ITGB6: variants seen among roughly 807,000 people sequenced by gnomAD.
ITGB6 encodes integrin subunit beta 6.
In ITGB6, 80 loss-of-function variants were observed where a neutral mutation model predicts 84.5. That is an observed-to-expected ratio of 0.95 (90% confidence interval 0.79 to 1.14). The LOEUF (loss-of-function observed/expected upper bound fraction) is 1.14. ITGB6 is among the 50% of genes most tolerant of loss of function. ITGB6 has a pLI of 0.00. For synonymous variants in ITGB6, 383 were observed against 354.9 expected, an observed-to-expected ratio of 1.08 and a Z score of -0.89; for missense variants, 1,006 against 968.0, an observed-to-expected ratio of 1.04 and a Z score of -0.52.
intron 12 of ITGB6, among the ~76,000 whole-genome samples, chr2:160,121,767 C>CAA (rs34688052): frequency 3.4e-5 from 2 of 59,468 alleles, no homozygotes; most frequent in African/African-American, 1.4e-4. Flanking sequence ...GGCCTTGTCT[C>CAA]AAAAAAAAAG....
At position 160,126,491 on chromosome 2, in the gene ITGB6, A is replaced by C. The variant is rs781213934; in HGVS notation, c.1771T>G (p.Cys591Gly). 6.2e-7 allele frequency: 1 copy of C among 1,614,240 alleles called. No homozygotes were observed. The highest frequency in any genetic ancestry group is 8.5e-7 in the Non-Finnish European group (1 of 1,180,038). Reference sequence around the variant, plus strand: ...CAAACACAGTCCCCGCGCCCGCTGCAGAGCACTCCATCTTCAGAGACGCAG... The same window carrying C: ...CAAACACAGTCCCCGCGCCCGCTGCCGAGCACTCCATCTTCAGAGACGCAG... ...DSCVSEDGVL[C>G]SGRGDCVCGK... The change falls in exon 11 of 15, where the codon TGC becomes GGC. Residue 591 changes from cysteine to glycine, a missense_variant. By Grantham distance (159) the Cys-to-Gly change is radical. Transcript: ENST00000283249.
At chr2:160,174,822 G>T (rs534825438) in intron 4 of ITGB6, among the ~76,000 whole-genome samples, 2 of 152,350 alleles carry the variant, frequency 1.3e-5, no homozygotes, top group South Asian at 2.1e-4. Flanking sequence ...CTTTGGGCAA[G>T]TTACTCAACA....
rs1683138796 is a variant in ITGB6, at chr2:160,123,897, A to G, written c.1884-9T>C. On this transcript the variant is annotated splice_polypyrimidine_tract_variant and intron_variant, in intron 11 of 14. Coordinates refer to ENST00000283249, the MANE Select transcript of ITGB6 (RefSeq NM_000888.5). Reference sequence around the variant, plus strand: ...GGCACTCAATGCAGCTCCTGTGGACAGTATCCAACAGTGTATCAGTTCATG... The same window carrying G: ...GGCACTCAATGCAGCTCCTGTGGACGGTATCCAACAGTGTATCAGTTCATG... 3 of 1,598,008 alleles carry G rather than the reference A, an allele frequency of 1.9e-6. No individual in the cohort carries two copies. The highest frequency in any genetic ancestry group is 2.6e-6 in the Non-Finnish European group (3 of 1,167,088).
chr2:160,143,885 A>T (rs1447746749), intron 7 of ITGB6, among the ~76,000 whole-genome samples: 1 of 152,182 alleles, frequency 6.6e-6, no homozygotes, highest in East Asian at 1.9e-4. Flanking sequence ...CACTTGCTAG[A>T]AGTGGGTCCC....
At chr2:160,173,138 T>G (rs1372698190) in intron 5 of ITGB6, among the ~76,000 whole-genome samples, 1 of 152,204 alleles carries the variant, frequency 6.6e-6, no homozygotes, top group Non-Finnish European at 1.5e-5. Context: ...AGAGTAAGCC[T>G]GTTTCATTAA....
chr2:160,127,671 G>A (rs1023902805), intron 10 of ITGB6, among the ~76,000 whole-genome samples: 1 of 152,198 alleles, frequency 6.6e-6, no homozygotes, highest in African/African-American at 2.4e-5. Flanking sequence ...ATTTTACAGA[G>A]TTTGGCTCTT....
chr2:160,171,325 A>ATCTATTTTTTTTTTTTTTTTTTT (rs1414747829), intron 6 of ITGB6, among the ~76,000 whole-genome samples: 1 of 126,004 alleles, frequency 7.9e-6, no homozygotes. Context: ...CAGAAATCAA[A>ATCTATTTTTTTTTTTTTTTTTTT]TTTATTTTTT....
At chr2:160,165,493 TTCTC>T (rs1245599291) in intron 7 of ITGB6, among the ~76,000 whole-genome samples, 7 of 152,240 alleles carry the variant, frequency 4.6e-5, no homozygotes, top group Non-Finnish European at 8.8e-5. Context: ...AATTTTTATT[TTCTC>T]TCTCTATTTT....
chr2:160,135,586 A>G (rs201488490), intron 10 of ITGB6, among the ~76,000 whole-genome samples: 97,370 of 148,988 alleles, frequency 0.65, 32,124 homozygotes, highest in Admixed American at 0.73. Flanking sequence ...AAAAGAGCCC[A>G]CATTGCCAAG....
intron 7 of ITGB6, among the ~76,000 whole-genome samples, chr2:160,157,748 C>CAAAAA (rs11364475): frequency 1.2e-5 from 1 of 84,168 alleles, no homozygotes; most frequent in Non-Finnish European, 2.2e-5. Flanking sequence ...AGCACAGAGG[C>CAAAAA]AAAAAAAAAA....
chr2:160,189,670 G>A (rs1290194610), intron 4 of ITGB6, among the ~76,000 whole-genome samples: 1 of 152,022 alleles, frequency 6.6e-6, no homozygotes, highest in African/African-American at 2.4e-5. Flanking sequence ...TCTCACACCA[G>A]TTAGAATGGC....
intron 13 of ITGB6, among the ~76,000 whole-genome samples, chr2:160,110,599 G>T (rs1014777029): frequency 6.6e-6 from 1 of 152,066 alleles, no homozygotes. Flanking sequence ...AAGTCCCTCC[G>T]GACTGTGGGG....
Position 160,101,286 on chromosome 2 carries a change from C to T in ITGB6, c.*450G>A, listed in dbSNP as rs1310356518. On this transcript the variant is annotated 3_prime_UTR_variant, in exon 15 of 15. Coordinates refer to ENST00000283249, the MANE Select transcript of ITGB6 (RefSeq NM_000888.5). The stretch of plus-strand genomic sequence containing the variant: ...ATTTCTCAGAGATTTAAAAAAAATT[C>T]TCCTTTAAGAGAGGGCATATTTCCT... The T allele has an allele frequency of 6.5e-6, 1 of 153,590 alleles. No homozygotes were observed. Among genetic ancestry groups the T allele is most frequent in the African/African-American group, 2.4e-5 (1 of 41,420 alleles). 9.5% of individuals were successfully genotyped at this position (153,590 alleles called of 1,614,324 possible). A position where few individuals can be genotyped will look rare whatever the true frequency, so the allele number is the denominator to read the frequency against.
chr2:160,127,764 G>A (rs1034977536), intron 10 of ITGB6, among the ~76,000 whole-genome samples: 2 of 152,190 alleles, frequency 1.3e-5, no homozygotes, highest in Non-Finnish European at 2.9e-5. Flanking sequence ...TATTTGATGT[G>A]AATGTGTGTC....
intron 4 of ITGB6, among the ~76,000 whole-genome samples, chr2:160,191,897 C>T (rs888990364): frequency 2.0e-5 from 3 of 152,054 alleles, no homozygotes; most frequent in African/African-American, 4.8e-5. Flanking sequence ...AAATGTTAAA[C>T]GTCCCTAGAA....
rs111530846 is a variant in ITGB6 at position 160,150,180 on chromosome 2, T to C, written c.1018-8109A>G. 8.7e-3 allele frequency among the ~76,000 whole-genome samples: 1,328 copies of C among 152,096 alleles called. 27 individuals are homozygous for C. The highest frequency in any genetic ancestry group is 0.031 in the African/African-American group (1,282 of 41,506). ...TCAGATTCACCAAAGTTGAAATGAA[T>C]GAAAAAGTGTTAAGGACAGCCAGAG... On this transcript the variant is annotated intron_variant, in intron 7 of 14. Transcript: ENST00000283249.
chr2:160,123,099 C>T (rs1449516485), intron 12 of ITGB6, among the ~76,000 whole-genome samples: 2 of 152,166 alleles, frequency 1.3e-5, no homozygotes, highest in African/African-American at 2.4e-5. Flanking sequence ...AAGGTATTGC[C>T]AGTTAAAAAA....
chr2:160,199,906 AT>A lies in ITGB6; in HGVS notation c.61+96del. ...CAGTCACAAAAGAGCAATGGAACAG[AT>A]CAAATAAAACATGACTTCAGATCTA... On this transcript the variant is annotated intron_variant, in intron 1 of 14. Coordinates refer to ENST00000283249, the MANE Select transcript of ITGB6 (RefSeq NM_000888.5). 3.2e-6 allele frequency: 3 copies of A among 944,364 alleles called. 1 individual carries two copies. The South Asian group carries it at 4.3e-5, about 14-fold the overall frequency. 58.5% of individuals were successfully genotyped at this position (944,364 alleles called of 1,614,324 possible).
At chr2:160,173,662 T>G (rs1344067781) in intron 5 of ITGB6, among the ~76,000 whole-genome samples, 1 of 152,220 alleles carries the variant, frequency 6.6e-6, no homozygotes, top group African/African-American at 2.4e-5. Flanking sequence ...CTTGATTTTT[T>G]TATCATGATT....
Sources: allele counts gnomAD v4.1 joint callset (sites outside exome capture counted in the v4.1 genomes callset), GRCh38; gene constraint gnomAD v4.1.1; transcripts MANE v1.5; gene names NCBI Gene and HGNC (gene_info 2026-07-23, HGNC 2026-07-21).